The following MS4A6E variants were observed in gnomAD, a reference collection of about 807,000 sequenced individuals.
MS4A6E encodes the protein membrane-spanning 4-domains subfamily A member 6E.
Under a neutral mutation model 13.2 loss-of-function variants are expected in MS4A6E, and 8 were observed. The ratio of observed to expected loss-of-function variants is 0.60; its 90% CI spans 0.35 to 1.09. MS4A6E has a LOEUF of 1.09. Among genes scored for constraint, MS4A6E ranks in the 50% least tolerant of loss-of-function variants. The pLI is 0.02. For synonymous variants in MS4A6E, 72 were observed against 67.6 expected, an observed-to-expected ratio of 1.06 and a Z score of -0.32; for missense variants, 177 against 171.1, an observed-to-expected ratio of 1.03 and a Z score of -0.19.
intron 1 of MS4A6E, among the ~76,000 whole-genome samples, chr11:60,332,815 GA>G (rs1404341103): frequency 2.0e-5 from 3 of 152,184 alleles, no homozygotes; most frequent in African/African-American, 7.2e-5. Context: ...GACACAAAGA[GA>G]AAGCAATTGA....
intron 1 of MS4A6E, among the ~76,000 whole-genome samples, chr11:60,330,456 C>T (rs2085147999): frequency 7.6e-6 from 1 of 131,312 alleles, no homozygotes; most frequent in African/African-American, 2.7e-5. Flanking sequence ...ATTCTCCTGC[C>T]TCAGCCTCCC....
At chr11:60,340,731 T>C (rs1722133691) in intron 4 of MS4A6E, 45 bp from the exon 5 acceptor site, 2 of 191,726 alleles carry the variant, frequency 1.0e-5, no homozygotes, top group Admixed American at 9.6e-5. Context: ...TCTGAAGACC[T>C]AACATACTTT....
downstream of MS4A6E, among the ~76,000 whole-genome samples, chr11:60,344,721 T>C (rs2085248064): frequency 6.6e-6 from 1 of 152,148 alleles, no homozygotes; most frequent in African/African-American, 2.4e-5. Context: ...TTAGAGGGGC[T>C]TGAAGTCCAT....
chr11:60,346,766 C>A (rs1329407865), intron 4 of MS4A6E, among the ~76,000 whole-genome samples: 2 of 152,180 alleles, frequency 1.3e-5, no homozygotes, highest in Non-Finnish European at 2.9e-5. Flanking sequence ...ATTATTCCTT[C>A]ACCTTCTCTG....
intron 4 of MS4A6E, among the ~76,000 whole-genome samples, chr11:60,347,434 C>T (rs2085261137): frequency 1.3e-5 from 2 of 151,914 alleles, no homozygotes; most frequent in African/African-American, 4.8e-5. Flanking sequence ...TCTGTTCATC[C>T]CCAAGATGGT....
chr11:60,339,206 G>T (rs1019173867), intron 3 of MS4A6E, among the ~76,000 whole-genome samples: 2 of 152,218 alleles, frequency 1.3e-5, no homozygotes, highest in African/African-American at 4.8e-5. Context: ...ATCCTTGTGA[G>T]TTGGTGTTGG....
At chr11:60,344,424 A>C (rs905563492), downstream of MS4A6E, among the ~76,000 whole-genome samples, 1 of 152,186 alleles carries the variant, frequency 6.6e-6, no homozygotes, top group African/African-American at 2.4e-5. Context: ...TGTTCAGGGG[A>C]TTATTTTTAA....
chr11:60,345,573 T>G (rs1182037981), downstream of MS4A6E, among the ~76,000 whole-genome samples: 1 of 152,200 alleles, frequency 6.6e-6, no homozygotes, highest in Non-Finnish European at 1.5e-5. Context: ...GTATTATAAC[T>G]TGTTCACAGT....
chr11:60,336,821 A>G (rs2085191451), intron 2 of MS4A6E, among the ~76,000 whole-genome samples: 1 of 152,172 alleles, frequency 6.6e-6, no homozygotes, highest in Non-Finnish European at 1.5e-5. Context: ...AGCTTTCAGA[A>G]TGCTGTGAGC....
intron 2 of MS4A6E, among the ~76,000 whole-genome samples, chr11:60,336,173 G>A (rs1412015501): frequency 2.0e-5 from 3 of 152,172 alleles, no homozygotes; most frequent in Admixed American, 1.3e-4. Flanking sequence ...GCTGTGCAAT[G>A]TAACTGTCTA....
intron 1 of MS4A6E, among the ~76,000 whole-genome samples, chr11:60,329,968 GGTGCATACCA>G (rs2085143808): frequency 2.0e-5 from 3 of 150,846 alleles, no homozygotes; most frequent in Admixed American, 6.6e-5. Flanking sequence ...TGAGACTACA[GGTGCATACCA>G]GCACACCTGA....
chr11:60,330,674 T>C (rs1444992516), intron 1 of MS4A6E, among the ~76,000 whole-genome samples: 1 of 152,148 alleles, frequency 6.6e-6, no homozygotes, highest in Non-Finnish European at 1.5e-5. Flanking sequence ...TTTGGTTTTA[T>C]TCATGAAGTC....
chr11:60,335,567 A>G (rs906489621), intron 2 of MS4A6E: 1 of 455,904 alleles, frequency 2.2e-6, no homozygotes, highest in Non-Finnish European at 4.4e-6. Context: ...AAGGGAGGAG[A>G]GAAAGAAGGG....
chr11:60,342,209 G>GA (rs2085232246), downstream of MS4A6E, among the ~76,000 whole-genome samples: 1 of 141,632 alleles, frequency 7.1e-6, no homozygotes, highest in South Asian at 2.5e-4. Flanking sequence ...GAGGGGGGGG[G>GA]AGAGAAAGAC....
chr11:60,331,670 T>C (rs1226769382), intron 1 of MS4A6E, among the ~76,000 whole-genome samples: 5 of 152,224 alleles, frequency 3.3e-5, no homozygotes, highest in African/African-American at 1.2e-4. Flanking sequence ...TCAATTTTGG[T>C]GGTGGTTACT....
chr11:60,347,315 C>T (rs1590779409), intron 4 of MS4A6E, among the ~76,000 whole-genome samples: 2 of 152,074 alleles, frequency 1.3e-5, no homozygotes, highest in Non-Finnish European at 2.9e-5. Context: ...TCTTGCAGGG[C>T]AAAGAAAGCC....
chr11:60,338,031 T>C, intron 3 of MS4A6E, 84 bp downstream of exon 3: 1 of 1,404,012 alleles, frequency 7.1e-7, no homozygotes, highest in Non-Finnish European at 9.8e-7. Flanking sequence ...TTTGAAAATC[T>C]CTCTGTTAAT....
At chr11:60,340,058 T>C (rs182137490) in intron 4 of MS4A6E, 94 bp downstream of exon 4, 32 of 1,563,138 alleles carry the variant, frequency 2.0e-5, no homozygotes, top group African/African-American at 5.4e-5. Flanking sequence ...GAAGGAACAA[T>C]CAGTCAGTCA....
At position 60,335,016 on chromosome 11, in the gene MS4A6E, C is replaced by T. The variant is rs771495213; in HGVS notation, c.121C>T (p.Leu41=). The change falls in exon 2 of 5, where the codon CTA becomes TTA. Residue 41 remains leucine, a synonymous_variant. Transcript: ENST00000684409. ...GGGGCAGGATAGCCTGAAGAAACGT[C>T]TACAGGCAAAAGTCAAAGTTATTGG... ...NQGQDSLKKR[L]QAKVKVIGVH... is the part of the protein sequence containing the mutation. 29 of 1,614,036 alleles carry T rather than the reference C, an allele frequency of 1.8e-5. No individual in the cohort carries two copies. The South Asian group carries it at 2.0e-4, about 11-fold the overall frequency.
Sources: gnomAD v4.1 joint callset for allele counts (sites outside exome capture counted in the v4.1 genomes callset) on GRCh38, gnomAD v4.1.1 for gene constraint, MANE v1.5 for transcripts, NCBI Gene and HGNC (gene_info 2026-07-23, HGNC 2026-07-21) for gene names.